Variants in POLR1G observed in about 807,000 individuals in gnomAD.
POLR1G encodes DNA-directed RNA polymerase I subunit RPA34.
In POLR1G, 9 loss-of-function variants were observed where a neutral mutation model predicts 6.3. The ratio of observed to expected loss-of-function variants is 1.44; its 90% CI spans 0.87 to 2.51. POLR1G has a LOEUF of 2.51. Among genes scored for constraint, POLR1G ranks in the 30% most tolerant of loss-of-function variants. The pLI is 0.00. For synonymous variants in POLR1G, 248 were observed against 256.5 expected, an observed-to-expected ratio of 0.97 and a Z score of 0.32; for missense variants, 617 against 632.5, an observed-to-expected ratio of 0.98 and a Z score of 0.26.
At position 45,409,492 on chromosome 19, in the gene POLR1G, G is replaced by A. The variant is rs118178942; in HGVS notation, c.1524G>A (p.Gln508=). ...AGAAGCGGAAGCAGCAGCAGCAGCA[G>A]CCTGTGTAGTCTGCCCCCGGGAAAC... is the stretch of plus-strand genomic sequence containing the variant. ...RDKKRKQQQQ[Q]PV The change falls in exon 3 of 3, where the codon CAG becomes CAA. Residue 508 remains glutamine, a synonymous_variant. Coordinates refer to ENST00000309424, the MANE Select transcript of POLR1G (RefSeq NM_012099.3). The A allele has an allele frequency of 0.013, 21,637 of 1,607,540 alleles. 178 individuals carry two copies. Among genetic ancestry groups the A allele is most frequent in the Middle Eastern group, 0.026 (146 of 5,696 alleles).
Position 45,409,475 on chromosome 19 carries a change from A to AAGC in POLR1G, c.1523_1525dup (p.Gln508dup), listed in dbSNP as rs763194578. 39 of 1,609,420 alleles carry AAGC rather than the reference A, an allele frequency of 2.4e-5. No individual in the cohort carries two copies. The highest frequency in any genetic ancestry group is 5.0e-5 in the Admixed American group (3 of 59,408). ...TCCCACAGGCCGGGACAAGAAGCGGAAGCAGCAGCAGCAGCAGCCTGTGTA... is the reference window on the plus strand; with the variant it reads ...TCCCACAGGCCGGGACAAGAAGCGGAAGCAGCAGCAGCAGCAGCAGCCTGTGTA... On this transcript the variant is annotated inframe_insertion, in exon 3 of 3. Transcript: ENST00000309424.
chr19:45,407,459 T>G, intron 2 of POLR1G: 1 of 520,604 alleles, frequency 1.9e-6, no homozygotes. Flanking sequence ...TAAGGAACTA[T>G]AGTTAAACTT....
rs1973384644 is a variant in POLR1G, at chr19:45,406,903, A to C, written c.22+185A>C. The C allele has an allele frequency of 1.0e-6, 1 of 966,422 alleles. No individual in the cohort carries two copies. Among genetic ancestry groups the C allele is most frequent in the Non-Finnish European group, 1.5e-6 (1 of 674,194 alleles). The allele number at this position is 966,422 out of a possible 1,614,324, so 59.9% of individuals were successfully genotyped here. ...ATCTTGTGGGGGGCTACCCGTGGAGAGCAAGGCGCCCCCAGGGGTTGGATC... is the reference window on the plus strand; with the variant it reads ...ATCTTGTGGGGGGCTACCCGTGGAGCGCAAGGCGCCCCCAGGGGTTGGATC... On this transcript the variant is annotated intron_variant, in intron 1 of 2. Coordinates refer to ENST00000309424, the MANE Select transcript of POLR1G (RefSeq NM_012099.3). This position sits in a 1 kb window ranked among gnomAD's most constrained non-coding sequence, Gnocchi z 4.2.
In POLR1G at chr19:45,406,682, G is replaced by C. The variant is rs906205423; in HGVS notation, c.-15G>C. 27 of 1,544,846 alleles carry C rather than the reference G, an allele frequency of 1.7e-5. No homozygotes were observed. The highest frequency in any genetic ancestry group is 1.6e-4 in the Admixed American group (8 of 49,504). The stretch of plus-strand genomic sequence containing the variant: ...CAGCCCGGGCTACAGGGTTGCCTGA[G>C]GTGTGGGTCCCAGGATGGAGGAGCC... On this transcript the variant is annotated 5_prime_UTR_variant, in exon 1 of 3. Coordinates refer to ENST00000309424, the MANE Select transcript of POLR1G (RefSeq NM_012099.3). This position sits in a 1 kb window ranked among gnomAD's most constrained non-coding sequence, Gnocchi z 4.2.
In POLR1G at chr19:45,407,951, G is replaced by A. The variant is rs540871734; in HGVS notation, c.165-182G>A. On this transcript the variant is annotated intron_variant, in intron 2 of 2. Coordinates refer to ENST00000309424, the MANE Select transcript of POLR1G (RefSeq NM_012099.3). ...TGCCTGTAATCCCAGCTACTTGAGA[G>A]GCTGAGGCAGGAGAATCGCTTGAAC... 13 of 719,464 alleles carry A rather than the reference G, an allele frequency of 1.8e-5. No homozygotes were observed. The African/African-American group carries it at 2.3e-4, about 13-fold the overall frequency. The allele number at this position is 719,464 out of a possible 1,614,324, so 44.6% of individuals were successfully genotyped here. A position where few individuals can be genotyped will look rare whatever the true frequency, so the allele number is the denominator to read the frequency against.
In POLR1G at chr19:45,409,737, G is replaced by A. The variant is rs780656778; in HGVS notation, c.*236G>A. On this transcript the variant is annotated 3_prime_UTR_variant, in exon 3 of 3. Transcript: ENST00000309424. ...AACAGCCTCCGGGCCTGGATGGGAG[G>A]GAGAAAAAAATGAGGAACCAGTCAT... is the stretch of plus-strand genomic sequence containing the variant. 3.7e-6 allele frequency: 3 copies of A among 803,906 alleles called. No homozygotes were observed. The highest frequency in any genetic ancestry group is 2.7e-5 in the South Asian group (2 of 73,916). The allele number at this position is 803,906 out of a possible 1,614,324, so 49.8% of individuals were successfully genotyped here. A position where few individuals can be genotyped will look rare whatever the true frequency, so the allele number is the denominator to read the frequency against.
In POLR1G at chr19:45,408,701, C is replaced by T; in HGVS notation, c.733C>T (p.Leu245=). Reference sequence around the variant, plus strand: ...GGAGACACTGGAGCCTCTGGGAGTGCTGTTCCCGTCCACCACCAAGAAGAG... The same window carrying T: ...GGAGACACTGGAGCCTCTGGGAGTGTTGTTCCCGTCCACCACCAAGAAGAG... The part of the protein sequence containing the change: ...TVETLEPLGV[L]FPSTTKKRKK... Residue 245 remains leucine (L), a synonymous_variant, in exon 3 of 3, where the codon CTG becomes TTG. Transcript: ENST00000309424. 6.2e-7 allele frequency: 1 copy of T among 1,613,734 alleles called. No homozygotes were observed. The highest frequency in any genetic ancestry group is 8.5e-7 in the Non-Finnish European group (1 of 1,179,948).
rs55776297 is a variant in POLR1G at position 45,409,590 on chromosome 19, AG to A, written c.*90del. The A allele has an allele frequency of 1.0e-3, 1,572 of 1,578,828 alleles. 17 individuals are homozygous for A. In the African/African-American group the frequency reaches 0.017, roughly 17 times the overall value. On this transcript the variant is annotated 3_prime_UTR_variant, in exon 3 of 3. Transcript: ENST00000309424. ...TGACACCCCCAGAATCCCTCCCCAGAGACTGCACCAGCGCAGCCAGCAGGAG... is the reference window on the plus strand; with the variant it reads ...TGACACCCCCAGAATCCCTCCCCAGAACTGCACCAGCGCAGCCAGCAGGAG...
rs763261365 is a variant in POLR1G at position 45,408,478 on chromosome 19, C to T, written c.510C>T (p.Leu170=). 26 of 1,613,906 alleles carry T rather than the reference C, an allele frequency of 1.6e-5. No individual in the cohort carries two copies. Among genetic ancestry groups the T allele is most frequent in the Middle Eastern group, 3.3e-4 (2 of 6,060 alleles). Residue 170 remains leucine, a synonymous_variant, in exon 3 of 3, where the codon CTC becomes CTT. Coordinates refer to ENST00000309424, the MANE Select transcript of POLR1G (RefSeq NM_012099.3). ...GPRSALAPNL[L]TSGKKKKEMQ... ...GGTCAGCCTTGGCCCCCAACCTGCT[C>T]ACCTCAGGGAAGAAGAAAAAGGAGA...
chr19:45,406,686 T>C lies in POLR1G; in HGVS notation c.-11T>C. On this transcript the variant is annotated 5_prime_UTR_variant, in exon 1 of 3. Coordinates refer to ENST00000309424, the MANE Select transcript of POLR1G (RefSeq NM_012099.3). The surrounding 1 kb of genome is among the most constrained non-coding windows in gnomAD (Gnocchi z 4.2). ...CCGGGCTACAGGGTTGCCTGAGGTGTGGGTCCCAGGATGGAGGAGCCCCAG... is the reference window on the plus strand; with the variant it reads ...CCGGGCTACAGGGTTGCCTGAGGTGCGGGTCCCAGGATGGAGGAGCCCCAG... 5 of 1,544,538 alleles carry C rather than the reference T, an allele frequency of 3.2e-6. No individual in the cohort carries two copies. The highest frequency in any genetic ancestry group is 4.4e-6 in the Non-Finnish European group (5 of 1,144,776).
Position 45,408,623 on chromosome 19 carries a change from C to G in POLR1G, c.655C>G (p.Gln219Glu), listed in dbSNP as rs201059236. The G allele has an allele frequency of 3.1e-6, 5 of 1,613,558 alleles. No homozygotes were observed. In the East Asian group the frequency reaches 8.9e-5, roughly 29 times the overall value. Residue 219 changes from glutamine (Q) to glutamate (E), a missense_variant, in exon 3 of 3, where the codon CAG becomes GAG. Transcript: ENST00000309424. ...GCGGAAGAAGAAGAAGAAAAAAAAT[C>G]AGCAGCTGAAAGAACCAGAGGCAGC... ...DVRKKKKKKN[Q>E]QLKEPEAAGP...
rs757317847 is a variant in POLR1G at position 45,409,505 on chromosome 19, GC to G, written c.*9del. ...GCAGCAGCAGCAGCCTGTGTAGTCT[GC>G]CCCCGGGAAACTGAGGAACTAAAGA... is the stretch of plus-strand genomic sequence containing the variant. On this transcript the variant is annotated 3_prime_UTR_variant, in exon 3 of 3. Coordinates refer to ENST00000309424, the MANE Select transcript of POLR1G (RefSeq NM_012099.3). 3.4e-5 allele frequency: 54 copies of G among 1,600,920 alleles called. No individual in the cohort carries two copies. The African/African-American group carries it at 6.4e-4, about 19-fold the overall frequency.
Position 45,409,648 on chromosome 19 carries a change from T to C in POLR1G, c.*147T>C, listed in dbSNP as rs1973564280. 6.9e-7 allele frequency: 1 copy of C among 1,441,750 alleles called. No individual in the cohort carries two copies. Among genetic ancestry groups the C allele is most frequent in the Non-Finnish European group, 9.8e-7 (1 of 1,024,572 alleles). The allele number at this position is 1,441,750 out of a possible 1,614,324, so 89.3% of individuals were successfully genotyped here. A position where few individuals can be genotyped will look rare whatever the true frequency, so the allele number is the denominator to read the frequency against. Reference sequence around the variant, plus strand: ...CTGGGAGGACGATTTATTATTACACTGGGGGTTTCCTTGGCAGCTGGGGTC... The same window carrying C: ...CTGGGAGGACGATTTATTATTACACCGGGGGTTTCCTTGGCAGCTGGGGTC... On this transcript the variant is annotated 3_prime_UTR_variant, in exon 3 of 3. Coordinates refer to ENST00000309424, the MANE Select transcript of POLR1G (RefSeq NM_012099.3).
rs117289933 is a variant in POLR1G at position 45,407,107 on chromosome 19, C to A, written c.36C>A (p.Phe12Leu). ...CTTCTGCTGCAGATGCTGCTCGGTT[C>A]TCTTGTCCCCCCAACTTTACCGCGA... is the stretch of plus-strand genomic sequence containing the variant. Reference protein sequence around the residue: ...EEPQAGDAARFSCPPNFTAKP... With the variant: ...EEPQAGDAARLSCPPNFTAKP... The change falls in exon 2 of 3, where the codon TTC (phenylalanine) becomes TTA (leucine). Residue 12 changes from phenylalanine to leucine, a missense_variant. Phe to Leu is a conservative substitution (Grantham distance 22). Coordinates refer to ENST00000309424, the MANE Select transcript of POLR1G (RefSeq NM_012099.3). 8 of 1,598,296 alleles carry A rather than the reference C, an allele frequency of 5.0e-6. No homozygotes were observed. The East Asian group carries it at 1.8e-4, about 36-fold the overall frequency.
Position 45,409,196 on chromosome 19 carries a change from G to A in POLR1G, c.1228G>A (p.Asp410Asn). 6.2e-7 allele frequency: 1 copy of A among 1,613,492 alleles called. No homozygotes were observed. The highest frequency in any genetic ancestry group is 8.5e-7 in the Non-Finnish European group (1 of 1,179,668). Residue 410 changes from aspartate to asparagine, a missense_variant, in exon 3 of 3, where the codon GAT becomes AAT. Transcript: ENST00000309424. ...ETEVVGPELP[D>N]DLEPQAAPTS... ...AGAGGTGGTGGGGCCTGAGCTGCCG[G>A]ATGACCTTGAGCCTCAGGCAGCTCC... is the stretch of plus-strand genomic sequence containing the variant.
chr19:45,408,889 T>C lies in POLR1G; in HGVS notation c.921T>C (p.Val307=). The C allele has an allele frequency of 6.2e-7, 1 of 1,613,830 alleles. No individual in the cohort carries two copies. Among genetic ancestry groups the C allele is most frequent in the Non-Finnish European group, 8.5e-7 (1 of 1,179,904 alleles). The change falls in exon 3 of 3, where the codon GTT becomes GTC. Residue 307 remains valine (V), a synonymous_variant. Coordinates refer to ENST00000309424, the MANE Select transcript of POLR1G (RefSeq NM_012099.3). The part of the protein sequence containing the change: ...EGMEPEEGVT[V]ESQPQVKVEP... ...TGGAGCCAGAGGAGGGGGTGACAGT[T>C]GAGTCTCAGCCACAGGTGAAGGTGG... is the stretch of plus-strand genomic sequence containing the variant.
rs767764676 is a variant in POLR1G at position 45,409,517 on chromosome 19, C to A, written c.*16C>A. On this transcript the variant is annotated 3_prime_UTR_variant, in exon 3 of 3. Coordinates refer to ENST00000309424, the MANE Select transcript of POLR1G (RefSeq NM_012099.3). ...GCCTGTGTAGTCTGCCCCCGGGAAA[C>A]TGAGGAACTAAAGAAAGCTGAAGGT... 6.3e-7 allele frequency: 1 copy of A among 1,593,112 alleles called. No homozygotes were observed.
chr19:45,408,067 A>C (rs1473758415), intron 2 of POLR1G, 66 bp from the exon 3 acceptor site: 9 of 1,505,840 alleles, frequency 6.0e-6, no homozygotes, highest in African/African-American at 2.8e-5. Context: ...AAAACAAAAA[A>C]AAAATCAAAA....
chr19:45,408,087 T>C, intron 2 of POLR1G, 46 bp from the exon 3 acceptor site: 1 of 1,490,050 alleles, frequency 6.7e-7, no homozygotes, highest in Non-Finnish European at 9.0e-7. Flanking sequence ...AAACCTTCCC[T>C]CTCCTGTTCC....
Sources: allele counts gnomAD v4.1 joint callset, GRCh38; gene constraint gnomAD v4.1.1; non-coding constraint Gnocchi (gnomAD v3.1); transcripts MANE v1.5; gene names NCBI Gene and HGNC (gene_info 2026-07-23, HGNC 2026-07-21).